The following CASR variants were observed in gnomAD, a reference collection of about 807,000 sequenced individuals.
The protein encoded by CASR is extracellular calcium-sensing receptor.
A neutral mutation model predicts 69.1 loss-of-function variants in CASR; 23 were observed. That is an observed-to-expected ratio of 0.33 (90% CI 0.24 to 0.47). CASR has a LOEUF of 0.47. Ranked by LOEUF, CASR falls within the 20% of genes least tolerant of loss-of-function variation. The pLI is 1.00. For synonymous variants in CASR, 541 were observed against 544.7 expected, an observed-to-expected ratio of 0.99 and a Z score of 0.10; for missense variants, 924 against 1,356.1, an observed-to-expected ratio of 0.68 and a Z score of 5.00.
At position 122,283,860 on chromosome 3, in the gene CASR, A is replaced by G. The variant is rs779019180; in HGVS notation, c.1906A>G (p.Lys636Glu). The change falls in exon 7 of 7, where the codon AAG becomes GAG. Residue 636 changes from lysine (K) to glutamate (E), a missense_variant. Physicochemically the swap from Lys to Glu is moderately conservative, Grantham distance 56. Coordinates refer to ENST00000639785, the MANE Select transcript of CASR (RefSeq NM_000388.4). ...LTAFVLGVFIKFRNTPIVKAT... is the reference protein window; with the variant it reads ...LTAFVLGVFIEFRNTPIVKAT... ...AGCCTTTGTGCTGGGTGTGTTTATCAAGTTCCGCAACACACCCATTGTCAA... is the reference window on the plus strand; with the variant it reads ...AGCCTTTGTGCTGGGTGTGTTTATCGAGTTCCGCAACACACCCATTGTCAA... 6.2e-6 allele frequency: 10 copies of G among 1,613,852 alleles called. No individual in the cohort carries two copies. Among genetic ancestry groups the G allele is most frequent in the Non-Finnish European group, 8.5e-6 (10 of 1,179,988 alleles).
At chr3:122,230,355 C>T (rs529238494) in intron 1 of CASR, among the ~76,000 whole-genome samples, 12 of 152,248 alleles carry the variant, frequency 7.9e-5, no homozygotes, top group African/African-American at 2.9e-4. Context: ...TCCTTGCTGA[C>T]GCTGCCGCCA....
At chr3:122,185,946 T>C (rs2073777085) in intron 1 of CASR, among the ~76,000 whole-genome samples, 1 of 150,722 alleles carries the variant, frequency 6.6e-6, no homozygotes, top group Non-Finnish European at 1.5e-5. Flanking sequence ...ACAGTCTCCA[T>C]ATAATTTCTA....
chr3:122,285,327 A>C lies in CASR; in HGVS notation c.*136A>C. On this transcript the variant is annotated 3_prime_UTR_variant, in exon 7 of 7. Coordinates refer to ENST00000639785, the MANE Select transcript of CASR (RefSeq NM_000388.4). Reference sequence around the variant, plus strand: ...CATCAAATGCCCCGAATTTAGTCACACCATCTTAAATGACAGTGAATTGAC... The same window carrying C: ...CATCAAATGCCCCGAATTTAGTCACCCCATCTTAAATGACAGTGAATTGAC... 1 of 759,096 alleles carries C rather than the reference A, an allele frequency of 1.3e-6. No individual in the cohort carries two copies. The allele number at this position is 759,096 out of a possible 1,614,324, so 47.0% of individuals were successfully genotyped here.
At chr3:122,240,025 C>G (rs2074365416) in intron 1 of CASR, among the ~76,000 whole-genome samples, 1 of 152,058 alleles carries the variant, frequency 6.6e-6, no homozygotes, top group Non-Finnish European at 1.5e-5. Context: ...TATCAGCATT[C>G]AAGAACAAGA....
intron 1 of CASR, among the ~76,000 whole-genome samples, chr3:122,185,428 C>T (rs2073768835): frequency 6.6e-6 from 1 of 152,284 alleles, no homozygotes; most frequent in South Asian, 2.1e-4. Flanking sequence ...AGCCTACTAA[C>T]GAGAAGACAT....
At chr3:122,274,708 C>T (rs775700461) in intron 4 of CASR, among the ~76,000 whole-genome samples, 2 of 152,108 alleles carry the variant, frequency 1.3e-5, no homozygotes, top group African/African-American at 2.4e-5. Flanking sequence ...TTGAGACCAG[C>T]GTAGGCAACA....
Position 122,283,792 on chromosome 3 carries a change from G to A in CASR, c.1838G>A (p.Gly613Glu). 6.2e-7 allele frequency: 1 copy of A among 1,614,102 alleles called. No individual in the cohort carries two copies. Among genetic ancestry groups the A allele is most frequent in the Non-Finnish European group, 8.5e-7 (1 of 1,180,020 alleles). Residue 613 changes from glycine to glutamate, a missense_variant, in exon 7 of 7, where the codon GGG (glycine) becomes GAG (glutamate). Physicochemically the swap from Gly to Glu is moderately conservative, Grantham distance 98. This residue lies in a region of CASR where 184 missense variants were observed against 278.8 expected (regional missense o/e 0.66). Transcript: ENST00000639785. ...IEFLSWTEPF[G>E]IALTLFAVLG... ...TTTCTGTCGTGGACGGAGCCCTTTG[G>A]GATCGCACTCACCCTCTTTGCCGTG...
intron 1 of CASR, among the ~76,000 whole-genome samples, chr3:122,232,841 G>A (rs1045604610): frequency 6.6e-6 from 1 of 152,110 alleles, no homozygotes; most frequent in South Asian, 2.1e-4. Context: ...ACCTGGATCT[G>A]GGTGGTCCCA....
intron 1 of CASR, among the ~76,000 whole-genome samples, chr3:122,220,208 T>A (rs758287372): frequency 2.0e-5 from 3 of 152,204 alleles, no homozygotes; most frequent in Non-Finnish European, 2.9e-5. Flanking sequence ...TCCATTCTGG[T>A]GTCAGTTACA....
At chr3:122,279,105 C>G (rs2074856546) in intron 5 of CASR, among the ~76,000 whole-genome samples, 1 of 152,282 alleles carries the variant, frequency 6.6e-6, no homozygotes, top group South Asian at 2.1e-4. Context: ...TCTTCTTCAT[C>G]CCTTCCTCTA....
rs1374336543 is a variant in CASR, at chr3:122,287,325, A to G, written c.*2134A>G. The G allele has an allele frequency of 6.6e-6, 1 of 152,208 alleles. No homozygotes were observed. Among genetic ancestry groups the G allele is most frequent in the Non-Finnish European group, 1.5e-5 (1 of 68,052 alleles). The allele number at this position is 152,208 out of a possible 1,614,324, so 9.4% of individuals were successfully genotyped here. A position where few individuals can be genotyped will look rare whatever the true frequency, so the allele number is the denominator to read the frequency against. On this transcript the variant is annotated 3_prime_UTR_variant, in exon 7 of 7. Coordinates refer to ENST00000639785, the MANE Select transcript of CASR (RefSeq NM_000388.4). ...GCTTGCAAATAAGGAGTCTCTCCCA[A>G]TGCTGTTGTCAGAAAGGCAGATACA...
In CASR at chr3:122,286,619, GAGC is replaced by G. The variant is rs1391652532; in HGVS notation, c.*1429_*1431del. ...ATCACTCTCTCTGTAATAAGCCCAAGAGCTCTGGGCCCAACACATGGGGTCAGC... is the reference window on the plus strand; with the variant it reads ...ATCACTCTCTCTGTAATAAGCCCAAGTCTGGGCCCAACACATGGGGTCAGC... On this transcript the variant is annotated 3_prime_UTR_variant, in exon 7 of 7. Coordinates refer to ENST00000639785, the MANE Select transcript of CASR (RefSeq NM_000388.4). 1 of 152,086 alleles carries G rather than the reference GAGC, an allele frequency of 6.6e-6. No individual in the cohort carries two copies. The highest frequency in any genetic ancestry group is 2.4e-5 in the African/African-American group (1 of 41,416). 9.4% of individuals were successfully genotyped at this position (152,086 alleles called of 1,614,324 possible).
At chr3:122,260,164 T>C (rs770366872) in intron 3 of CASR, among the ~76,000 whole-genome samples, 2 of 152,008 alleles carry the variant, frequency 1.3e-5, no homozygotes, top group African/African-American at 2.4e-5. Context: ...TCCTCAAGTG[T>C]TGGGGTGACC....
chr3:122,239,070 C>T (rs536557925), intron 1 of CASR, among the ~76,000 whole-genome samples: 1 of 152,198 alleles, frequency 6.6e-6, no homozygotes, highest in East Asian at 1.9e-4. Context: ...TTGCTGGTAC[C>T]TTAGGTACCA....
chr3:122,235,662 T>A (rs1330988478), intron 1 of CASR, among the ~76,000 whole-genome samples: 1 of 152,174 alleles, frequency 6.6e-6, no homozygotes, highest in Non-Finnish European at 1.5e-5. Flanking sequence ...CCTGGGGTAG[T>A]GGCATGTTCC....
chr3:122,238,099 G>A (rs2074346257), intron 1 of CASR, among the ~76,000 whole-genome samples: 1 of 152,204 alleles, frequency 6.6e-6, no homozygotes, highest in South Asian at 2.1e-4. Context: ...TAAAAATCAG[G>A]TGAACAGTCA....
chr3:122,276,193 T>C, intron 5 of CASR, 151 bp downstream of exon 5: 1 of 689,050 alleles, frequency 1.5e-6, no homozygotes. Context: ...TGGGGCTCCC[T>C]GTGAAATCCA....
chr3:122,231,211 T>C (rs2074274978), intron 1 of CASR, among the ~76,000 whole-genome samples: 1 of 152,178 alleles, frequency 6.6e-6, no homozygotes. Context: ...CTGGCCCACC[T>C]GTTGGGTGGC....
chr3:122,204,243 C>T (rs980960067), intron 1 of CASR, among the ~76,000 whole-genome samples: 1 of 152,112 alleles, frequency 6.6e-6, no homozygotes, highest in African/African-American at 2.4e-5. Context: ...TTCTCTTCAT[C>T]CCCCAAGCCT....
Sources: allele counts gnomAD v4.1 joint callset (sites outside exome capture counted in the v4.1 genomes callset), GRCh38; gene constraint gnomAD v4.1.1; regional missense constraint gnomAD v4.1.1; transcripts MANE v1.5; gene names NCBI Gene and HGNC (gene_info 2026-07-23, HGNC 2026-07-21).